ATRNL1: variants seen among roughly 807,000 people sequenced by gnomAD.
ATRNL1 encodes attractin-like protein 1.
In ATRNL1, 95 loss-of-function variants were observed where a neutral mutation model predicts 182.7. The ratio of observed to expected loss-of-function variants is 0.52; its 90% CI spans 0.44 to 0.62. The LOEUF (loss-of-function observed/expected upper bound fraction) is 0.62, where lower values mean the gene tolerates loss of function less well. Among genes scored for constraint, ATRNL1 ranks in the 20% least tolerant of loss-of-function variants. ATRNL1 has a pLI of 0.00. For synonymous variants in ATRNL1, 576 were observed against 568.3 expected (o/e 1.01, Z -0.19); for missense variants, 1,471 against 1,679.5 (o/e 0.88, Z 2.17).
intron 25 of ATRNL1, among the ~76,000 whole-genome samples, chr10:115,531,477 T>G (rs1345834160): frequency 2.6e-5 from 4 of 152,092 alleles, no homozygotes; most frequent in African/African-American, 9.7e-5. Flanking sequence ...ATGGGGTTGT[T>G]TGTTTTTTTC....
chr10:115,111,451 T>C (rs1355780148), intron 1 of ATRNL1, among the ~76,000 whole-genome samples: 4 of 152,210 alleles, frequency 2.6e-5, no homozygotes, highest in Non-Finnish European at 5.9e-5. Context: ...CACCAGCATC[T>C]GCTTGTATTG....
At chr10:115,637,813 CAG>C (rs1180373105) in intron 26 of ATRNL1, among the ~76,000 whole-genome samples, 2 of 151,706 alleles carry the variant, frequency 1.3e-5, no homozygotes, top group African/African-American at 4.8e-5. Flanking sequence ...TTAGTAGAGA[CAG>C]AGTTTCACCG....
Position 115,902,303 on chromosome 10 carries a change from ATG to A in ATRNL1, c.4019-42351_4019-42350del, listed in dbSNP as rs1952378657. ...CCCTTTAATCTTGATGTACTTTTTT[ATG>A]TGTTTGGTTCCTAGCTAGTGTCCAA... On this transcript the variant is annotated intron_variant, in intron 28 of 28. Transcript: ENST00000355044. Among the ~76,000 whole-genome samples the A allele has an allele frequency of 2.6e-5, 4 of 152,112 alleles. No individual in the cohort carries two copies. In the South Asian group the frequency reaches 8.3e-4, roughly 32 times the overall value.
At chr10:115,130,901 A>G (rs1443291243) in intron 5 of ATRNL1, among the ~76,000 whole-genome samples, 1 of 152,162 alleles carries the variant, frequency 6.6e-6, no homozygotes, top group Non-Finnish European at 1.5e-5. Context: ...GCAAATGAGG[A>G]ATACATTTGT....
Position 115,301,913 on chromosome 10 carries a change from T to C in ATRNL1, c.2688T>C (p.Cys896=). Residue 896 remains cysteine (C), a synonymous_variant, in exon 17 of 29, where the codon TGT becomes TGC. Transcript: ENST00000355044. Reference sequence around the variant, plus strand: ...AGCCATGCTCTCTGAGGACATCATGTTCCAACTGTACAAGCAATGGCATGG... The same window carrying C: ...AGCCATGCTCTCTGAGGACATCATGCTCCAACTGTACAAGCAATGGCATGG... ...CKKPCSLRTS[C]SNCTSNGMEC... is the part of the protein sequence containing the mutation. The C allele has an allele frequency of 6.2e-7, 1 of 1,614,008 alleles. No homozygotes were observed. The highest frequency in any genetic ancestry group is 8.5e-7 in the Non-Finnish European group (1 of 1,179,906).
At chr10:115,908,034 C>A (rs1418911743) in intron 28 of ATRNL1, among the ~76,000 whole-genome samples, 1 of 152,180 alleles carries the variant, frequency 6.6e-6, no homozygotes, top group African/African-American at 2.4e-5. Flanking sequence ...TGAATTATTT[C>A]TAATTCTCAT....
intron 1 of ATRNL1, among the ~76,000 whole-genome samples, chr10:115,111,930 G>A (rs1452510964): frequency 6.6e-6 from 1 of 152,236 alleles, no homozygotes; most frequent in South Asian, 2.1e-4. Context: ...GTATTGCAAG[G>A]TAGGACAACA....
chr10:115,397,224 A>T (rs968716622), intron 20 of ATRNL1, among the ~76,000 whole-genome samples: 1 of 151,964 alleles, frequency 6.6e-6, no homozygotes, highest in Admixed American at 6.6e-5. Context: ...GATGAATAAC[A>T]TATGGTTTTT....
At chr10:115,209,390 G>C (rs1174085710) in intron 8 of ATRNL1, among the ~76,000 whole-genome samples, 1 of 144,450 alleles carries the variant, frequency 6.9e-6, no homozygotes, top group Non-Finnish European at 1.5e-5. Flanking sequence ...ATGCTGCTTG[G>C]TATCTAGTAT....
At chr10:115,555,247 A>C (rs1332968192) in intron 26 of ATRNL1, among the ~76,000 whole-genome samples, 1 of 151,850 alleles carries the variant, frequency 6.6e-6, no homozygotes. Context: ...TTGTTTTCAA[A>C]ATAAGGGGGA....
intron 28 of ATRNL1, among the ~76,000 whole-genome samples, chr10:115,858,809 T>C (rs1291231638): frequency 3.3e-5 from 5 of 152,238 alleles, no homozygotes; most frequent in Admixed American, 2.6e-4. Flanking sequence ...TTTTAATTGG[T>C]TATGAATTAA....
intron 27 of ATRNL1, among the ~76,000 whole-genome samples, chr10:115,787,883 G>T (rs1372540343): frequency 6.6e-6 from 1 of 152,150 alleles, no homozygotes; most frequent in Non-Finnish European, 1.5e-5. Context: ...GATAGGGGAA[G>T]ATTTGAAAAC....
intron 27 of ATRNL1, among the ~76,000 whole-genome samples, chr10:115,735,362 T>TCA (rs1332358908): frequency 6.6e-6 from 1 of 152,286 alleles, no homozygotes; most frequent in Admixed American, 6.5e-5. Context: ...CACATTGTGT[T>TCA]CACGTGAAAA....
chr10:115,163,730 A>G (rs147398765), intron 6 of ATRNL1, among the ~76,000 whole-genome samples: 297 of 152,310 alleles, frequency 1.9e-3, no homozygotes, highest in African/African-American at 6.7e-3. Context: ...GTGGCCCACA[A>G]AGCCTAAAAT....
intron 28 of ATRNL1, among the ~76,000 whole-genome samples, chr10:115,863,086 G>T (rs944286622): frequency 3.3e-5 from 5 of 152,114 alleles, no homozygotes; most frequent in Non-Finnish European, 5.9e-5. Flanking sequence ...GAAATAAAGC[G>T]AAATGGGGTA....
intron 26 of ATRNL1, among the ~76,000 whole-genome samples, chr10:115,592,078 C>G (rs1484973960): frequency 6.6e-6 from 1 of 152,112 alleles, no homozygotes; most frequent in Non-Finnish European, 1.5e-5. Flanking sequence ...GAACAGAAAA[C>G]AAATACTGGA....
chr10:115,625,141 A>G (rs1858009879), intron 26 of ATRNL1, among the ~76,000 whole-genome samples: 1 of 152,184 alleles, frequency 6.6e-6, no homozygotes, highest in African/African-American at 2.4e-5. Flanking sequence ...GTCTTATTTG[A>G]TACTTTACAG....
At chr10:115,831,571 A>G (rs1248548935) in intron 27 of ATRNL1, among the ~76,000 whole-genome samples, 1 of 152,136 alleles carries the variant, frequency 6.6e-6, no homozygotes, top group East Asian at 1.9e-4. Flanking sequence ...CCAATTGGAA[A>G]GGTGTTCCCT....
At chr10:115,687,699 A>G (rs1362520900) in intron 26 of ATRNL1, among the ~76,000 whole-genome samples, 2 of 152,072 alleles carry the variant, frequency 1.3e-5, no homozygotes, top group Non-Finnish European at 1.5e-5. Context: ...AATAATTTAT[A>G]TAGTTACAGG....
Sources: allele counts gnomAD v4.1 joint callset (sites outside exome capture counted in the v4.1 genomes callset), GRCh38; gene constraint gnomAD v4.1.1; transcripts MANE v1.5; gene names NCBI Gene and HGNC (gene_info 2026-07-23, HGNC 2026-07-21).